The following CPSF2 variants were observed in gnomAD, a reference collection of about 807,000 sequenced individuals.
CPSF2 encodes the protein cleavage and polyadenylation specific factor 2, also known as cleavage and polyadenylation specificity factor subunit 2.
A neutral mutation model predicts 84.2 loss-of-function variants in CPSF2; 51 were observed. That is an observed-to-expected ratio of 0.61 (90% CI 0.48 to 0.77). The LOEUF (loss-of-function observed/expected upper bound fraction) is 0.77. CPSF2 is among the 30% of genes least tolerant of loss of function. The pLI is 0.00. For synonymous variants in CPSF2, 286 were observed against 311.9 expected (o/e 0.92, Z 0.87); for missense variants, 641 against 929.4 (o/e 0.69, Z 4.03).
chr14:92,150,950 T>C lies in CPSF2; in HGVS notation c.1141-3408T>C, dbSNP rs1347229452. Among the ~76,000 whole-genome samples the C allele has an allele frequency of 2.0e-5, 3 of 152,352 alleles. No homozygotes were observed. The East Asian group carries it at 5.8e-4, about 29-fold the overall frequency. ...TGACAACTTAAACTGAAAAGACTTCTGATAAGATTGGTGGTGATATTTACA... is the reference window on the plus strand; with the variant it reads ...TGACAACTTAAACTGAAAAGACTTCCGATAAGATTGGTGGTGATATTTACA... On this transcript the variant is annotated intron_variant, in intron 9 of 15. Transcript: ENST00000298875.
chr14:92,141,355 A>G (rs1432595372), intron 7 of CPSF2, among the ~76,000 whole-genome samples: 3 of 152,246 alleles, frequency 2.0e-5, no homozygotes, highest in Non-Finnish European at 4.4e-5. Context: ...TTTTTGAGGC[A>G]AAGTCTTTCT....
rs1034608445 is a variant in CPSF2 at position 92,139,951 on chromosome 14, T to C, written c.661+1604T>C. On this transcript the variant is annotated intron_variant, in intron 7 of 15. Transcript: ENST00000298875. ...TTCATCTACTTTAAAAGTACAACTATTTTTTTTTTTTTTTTTTTTTTGAGA... is the reference window on the plus strand; with the variant it reads ...TTCATCTACTTTAAAAGTACAACTACTTTTTTTTTTTTTTTTTTTTTGAGA... Among the ~76,000 whole-genome samples the C allele has an allele frequency of 2.4e-4, 13 of 54,704 alleles. 1 individual carries two copies. Among genetic ancestry groups the C allele is most frequent in the Admixed American group, 2.1e-3 (12 of 5,686 alleles). The allele number at this position is 54,704 out of a possible 152,430, so 35.9% of individuals were successfully genotyped here. A position where few individuals can be genotyped will look rare whatever the true frequency, so the allele number is the denominator to read the frequency against.
At chr14:92,143,986 G>GC (rs2069113485) in intron 9 of CPSF2, among the ~76,000 whole-genome samples, 1 of 152,032 alleles carries the variant, frequency 6.6e-6, no homozygotes, top group African/African-American at 2.4e-5. Flanking sequence ...TTATCCTGTA[G>GC]CCCCCTGAAG....
At chr14:92,135,211 G>A (rs542917347) in intron 5 of CPSF2, among the ~76,000 whole-genome samples, 156 bp from the exon 6 acceptor site, 1 of 152,322 alleles carries the variant, frequency 6.6e-6, no homozygotes, top group East Asian at 1.9e-4. Context: ...TGGGGGACAG[G>A]AGAGTGAAGC....
Position 92,159,131 on chromosome 14 carries a change from G to A in CPSF2, c.1970G>A (p.Gly657Glu). The change falls in exon 14 of 16, where the codon GGA (glycine) becomes GAA (glutamate). Residue 657 changes from glycine to glutamate, a missense_variant. This residue lies in a region of CPSF2 where 430 missense variants were observed against 553.6 expected (regional missense o/e 0.78). Transcript: ENST00000298875. ...ILEEGELKDD[G>E]EDSEMQVEAP... ...GAAGAAGGAGAACTAAAGGATGATG[G>A]AGAAGACTCAGAGATGCAAGTGGAA... The A allele has an allele frequency of 6.2e-7, 1 of 1,614,084 alleles. No homozygotes were observed. The highest frequency in any genetic ancestry group is 8.5e-7 in the Non-Finnish European group (1 of 1,180,008).
intron 15 of CPSF2, 26 bp from the exon 16 acceptor site, chr14:92,161,626 A>G: frequency 6.6e-7 from 1 of 1,514,186 alleles, no homozygotes; most frequent in Admixed American, 2.2e-5. Context: ...AAATGTACTA[A>G]AGAATTTTTT....
At chr14:92,151,954 T>G (rs1325711388) in intron 9 of CPSF2, among the ~76,000 whole-genome samples, 1 of 147,726 alleles carries the variant, frequency 6.8e-6, no homozygotes, top group Non-Finnish European at 1.5e-5. Flanking sequence ...TGAGCTGCAG[T>G]GAGCTATAAT....
At chr14:92,149,627 T>C (rs890007029) in intron 9 of CPSF2, among the ~76,000 whole-genome samples, 4 of 152,092 alleles carry the variant, frequency 2.6e-5, no homozygotes, top group Non-Finnish European at 4.4e-5. Context: ...TAGTAAAAGT[T>C]ACTAATATTA....
intron 3 of CPSF2, 88 bp from the exon 4 acceptor site, chr14:92,133,923 C>G: frequency 7.2e-7 from 1 of 1,386,010 alleles, no homozygotes; most frequent in Non-Finnish European, 1.0e-6. Context: ...GTGTAGTCTT[C>G]AATCCAGAAT....
rs192632233 is a variant in CPSF2 at position 92,157,973 on chromosome 14, G to C, written c.1821+89G>C. 50 of 891,638 alleles carry C rather than the reference G, an allele frequency of 5.6e-5. No homozygotes were observed. In the African/African-American group the frequency reaches 7.2e-4, roughly 13 times the overall value. 55.2% of individuals were successfully genotyped at this position (891,638 alleles called of 1,614,324 possible). A position where few individuals can be genotyped will look rare whatever the true frequency, so the allele number is the denominator to read the frequency against. Reference sequence around the variant, plus strand: ...TAACATTAGAAATACCGAGATGTGTGAGACAGACATGGATGGTCTCCTGCC... The same window carrying C: ...TAACATTAGAAATACCGAGATGTGTCAGACAGACATGGATGGTCTCCTGCC... On this transcript the variant is annotated intron_variant, in intron 13 of 15. Transcript: ENST00000298875. The surrounding 1 kb of genome is among the most constrained non-coding windows in gnomAD (Gnocchi z 4.0).
chr14:92,132,526 C>T (rs184672961), intron 3 of CPSF2, among the ~76,000 whole-genome samples: 1,945 of 151,568 alleles, frequency 0.013, 62 homozygotes, highest in East Asian at 0.13. Flanking sequence ...AATCCCAGCA[C>T]TTTGGGAGGC....
chr14:92,148,800 T>TAC (rs1184354195), intron 9 of CPSF2, among the ~76,000 whole-genome samples: 1 of 150,070 alleles, frequency 6.7e-6, no homozygotes. Flanking sequence ...AAGAAATGTA[T>TAC]ATATATATAT....
At chr14:92,135,935 T>C (rs1025761422) in intron 6 of CPSF2, among the ~76,000 whole-genome samples, 1 of 152,134 alleles carries the variant, frequency 6.6e-6, no homozygotes, top group African/African-American at 2.4e-5. Context: ...TGGGAGATGA[T>C]TGAATTATGA....
At chr14:92,152,066 T>C (rs971661253) in intron 9 of CPSF2, among the ~76,000 whole-genome samples, 5 of 151,596 alleles carry the variant, frequency 3.3e-5, no homozygotes, top group Admixed American at 3.3e-4. Flanking sequence ...CTTTGGAAAA[T>C]GTAATTATTT....
intron 12 of CPSF2, 149 bp downstream of exon 12, chr14:92,156,780 G>A: frequency 3.9e-6 from 2 of 516,962 alleles, no homozygotes; most frequent in East Asian, 6.5e-5. Flanking sequence ...GAAGAGACTT[G>A]TGAAGTATGG....
At chr14:92,160,348 A>C (rs956101934) in intron 14 of CPSF2, among the ~76,000 whole-genome samples, 6 of 152,232 alleles carry the variant, frequency 3.9e-5, no homozygotes, top group Admixed American at 6.5e-5. Context: ...GTATAGATAT[A>C]ATTTAGTCTA....
rs745544414 is a variant in CPSF2 at position 92,131,046 on chromosome 14, A to G, written c.62A>G (p.Tyr21Cys). 4.3e-6 allele frequency: 7 copies of G among 1,613,036 alleles called. No individual in the cohort carries two copies. Among genetic ancestry groups the G allele is most frequent in the Non-Finnish European group, 5.1e-6 (6 of 1,179,438 alleles). ...SGVQEESALC[Y>C]LLQVDEFRFL... ...GTCCAAGAAGAATCTGCCCTTTGCT[A>G]TCTTCTCCAAGTTGATGAGTTTAGA... Residue 21 changes from tyrosine to cysteine, a missense_variant, in exon 3 of 16, where the codon TAT becomes TGT. By Grantham distance (194) the Tyr-to-Cys change is radical. Transcript: ENST00000298875.
At chr14:92,122,728 AAGAAG>A (rs2141444114) in intron 1 of CPSF2, among the ~76,000 whole-genome samples, 1 of 152,326 alleles carries the variant, frequency 6.6e-6, no homozygotes, top group African/African-American at 2.4e-5. Flanking sequence ...CTCTTTAGAA[AAGAAG>A]AGGTCAGATT....
intron 1 of CPSF2, among the ~76,000 whole-genome samples, chr14:92,124,342 TGAAAG>T (rs1250237356): frequency 6.6e-6 from 1 of 152,010 alleles, no homozygotes; most frequent in Non-Finnish European, 1.5e-5. Flanking sequence ...AAAAACTAGA[TGAAAG>T]GAAATGGGCA....
Sources: allele counts gnomAD v4.1 joint callset (sites outside exome capture counted in the v4.1 genomes callset), GRCh38; gene constraint gnomAD v4.1.1; regional missense constraint gnomAD v4.1.1; non-coding constraint Gnocchi (gnomAD v3.1); transcripts MANE v1.5; gene names NCBI Gene and HGNC (gene_info 2026-07-23, HGNC 2026-07-21).